Variants in COL6A5 observed in about 807,000 individuals in gnomAD.
COL6A5 encodes collagen alpha-5(VI) chain.
COL6A5 carries 48 observed loss-of-function variants against 65.6 expected under a neutral mutation model. The ratio of observed to expected loss-of-function variants is 0.73; its 90% confidence interval spans 0.58 to 0.93. COL6A5 has a LOEUF of 0.93. Among genes scored for constraint, COL6A5 ranks in the 40% least tolerant of loss-of-function variants. The pLI, the probability that COL6A5 is intolerant of heterozygous loss-of-function variation, is 0.00. For missense variants in COL6A5, 914 were observed against 928.3 expected (o/e 0.98, Z 0.20); for synonymous variants, 291 against 322.8 (o/e 0.90, Z 1.05).
At chr3:130,452,089 G>A (rs1476253670) in intron 4 of COL6A5, among the ~76,000 whole-genome samples, 1 of 152,122 alleles carries the variant, frequency 6.6e-6, no homozygotes, top group African/African-American at 2.4e-5. Context: ...ACACCACCCT[G>A]TTTTAACAGG....
At chr3:130,432,293 G>T (rs922676587) in intron 1 of COL6A5, among the ~76,000 whole-genome samples, 2 of 152,136 alleles carry the variant, frequency 1.3e-5, no homozygotes, top group African/African-American at 4.8e-5. Flanking sequence ...GGTGGCTCAT[G>T]CCTGTAATCC....
chr3:130,431,391 A>T (rs1424611313), upstream of COL6A5: 1 of 1,499,424 alleles, frequency 6.7e-7, no homozygotes, highest in Non-Finnish European at 9.0e-7. Context: ...AACCCACTTC[A>T]TTGGAGTAAA....
intron 1 of COL6A5, among the ~76,000 whole-genome samples, chr3:130,351,661 A>G (rs144270759): frequency 0.045 from 6,789 of 152,296 alleles, 218 homozygotes; most frequent in Middle Eastern, 0.082. Context: ...GAAACAGCAG[A>G]TGCTGGAAAG....
At chr3:130,393,187 A>G (rs142121294) in intron 7 of COL6A5, among the ~76,000 whole-genome samples, 31 of 151,030 alleles carry the variant, frequency 2.1e-4, no homozygotes, top group African/African-American at 7.0e-4. Flanking sequence ...CGCCAACCTC[A>G]TTGATCACCT....
chr3:130,473,350 A>C (rs1710007514), intron 7 of COL6A5, among the ~76,000 whole-genome samples: 1 of 152,062 alleles, frequency 6.6e-6, no homozygotes, highest in African/African-American at 2.4e-5. Flanking sequence ...GTGGCAGTGA[A>C]GTAGATGTCT....
rs148872921 is a variant in COL6A5 at position 130,394,215 on chromosome 3, A to G, written c.2993-675A>G. Among the ~76,000 whole-genome samples, 660 of 152,286 alleles carry G rather than the reference A, an allele frequency of 4.3e-3. 2 individuals are homozygous for G. Among genetic ancestry groups the G allele is most frequent in the Middle Eastern group, 0.014 (4 of 294 alleles). ...CACACTTCTTCTGAGAAGTTCTAAC[A>G]TTTGAGTCATGATATTTTTAAAAAG... On this transcript the variant is annotated intron_variant and NMD_transcript_variant, in intron 7 of 41. Coordinates refer to the COL6A5 transcript ENST00000312481.
At chr3:130,471,279 A>G (rs997788985) in intron 7 of COL6A5, among the ~76,000 whole-genome samples, 1 of 152,108 alleles carries the variant, frequency 6.6e-6, no homozygotes, top group African/African-American at 2.4e-5. Flanking sequence ...CTGCCAAAAC[A>G]GAAAACTTAT....
intron 1 of COL6A5, among the ~76,000 whole-genome samples, chr3:130,367,917 T>C (rs984157917): frequency 1.3e-5 from 2 of 152,210 alleles, no homozygotes; most frequent in Non-Finnish European, 2.9e-5. Context: ...TCATGCGTCA[T>C]GATTGTTCAG....
At chr3:130,412,064 T>C (rs756090581) in intron 20 of COL6A5, among the ~76,000 whole-genome samples, 6 of 152,122 alleles carry the variant, frequency 3.9e-5, no homozygotes, top group Non-Finnish European at 7.4e-5. Flanking sequence ...TTATGTAAAT[T>C]AATTGTTTTA....
intron 12 of COL6A5, among the ~76,000 whole-genome samples, chr3:130,403,309 T>C (rs1414501514): frequency 6.6e-6 from 1 of 152,184 alleles, no homozygotes; most frequent in African/African-American, 2.4e-5. Flanking sequence ...ACAGCTGTCC[T>C]CCCTGCAAAT....
chr3:130,367,076 G>A (rs1239274912), intron 1 of COL6A5, among the ~76,000 whole-genome samples: 1 of 152,198 alleles, frequency 6.6e-6, no homozygotes, highest in African/African-American at 2.4e-5. Context: ...AAGCAGCAGT[G>A]TTGGAAGACT....
intron 17 of COL6A5, 45 bp downstream of exon 17, chr3:130,406,366 A>G (rs2107669693): frequency 2.1e-6 from 3 of 1,447,930 alleles, no homozygotes; most frequent in Non-Finnish European, 2.8e-6. Flanking sequence ...GAATTTGGTG[A>G]CAGAGACAGT....
chr3:130,472,847 A>ATATG (rs1553760936), intron 7 of COL6A5, among the ~76,000 whole-genome samples: 2 of 143,338 alleles, frequency 1.4e-5, no homozygotes, highest in Admixed American at 7.1e-5. Flanking sequence ...ATATATATAT[A>ATATG]TATATATATA....
At position 130,410,452 on chromosome 3, in the gene COL6A5, G is replaced by C; in HGVS notation, c.4609-19G>C. On this transcript the variant is annotated intron_variant and NMD_transcript_variant, in intron 19 of 41. Coordinates refer to the COL6A5 transcript ENST00000312481. ...AGAATTTTTTCCTTTTGATCTTGAG[G>C]AAATTATTATATTTTTAGGGTAGAA... The C allele has an allele frequency of 6.5e-7, 1 of 1,543,862 alleles. No individual in the cohort carries two copies. Among genetic ancestry groups the C allele is most frequent in the Non-Finnish European group, 8.8e-7 (1 of 1,141,140 alleles).
At chr3:130,454,786 T>G (rs1284144084) in intron 4 of COL6A5, among the ~76,000 whole-genome samples, 1 of 152,174 alleles carries the variant, frequency 6.6e-6, no homozygotes, top group Non-Finnish European at 1.5e-5. Context: ...TGGTGATTGG[T>G]ATCAATCTGA....
intron 5 of COL6A5, among the ~76,000 whole-genome samples, chr3:130,386,415 C>T (rs969902457): frequency 6.6e-6 from 1 of 152,068 alleles, no homozygotes; most frequent in Non-Finnish European, 1.5e-5. Context: ...GAAGAGAATT[C>T]TCACTTATTT....
exon 8 of COL6A5, chr3:130,484,560 CCTGT>C: frequency 2.5e-6 from 1 of 398,946 alleles, no homozygotes; most frequent in Non-Finnish European, 4.4e-6. Context: ...CTAAAACCCA[CCTGT>C]CAGGCTGCTA....
intron 18 of COL6A5, among the ~76,000 whole-genome samples, 169 bp downstream of exon 18, chr3:130,409,557 G>T (rs1937108391): frequency 6.6e-6 from 1 of 152,156 alleles, no homozygotes; most frequent in Non-Finnish European, 1.5e-5. Flanking sequence ...TCTTATCTGG[G>T]TTAGGCCCAT....
intron 1 of COL6A5, among the ~76,000 whole-genome samples, chr3:130,434,055 A>T (rs770169569): frequency 1.1e-4 from 17 of 151,534 alleles, no homozygotes; most frequent in Non-Finnish European, 2.4e-4. Flanking sequence ...GGTTTGCTGC[A>T]CATATTGACC....
Sources: gnomAD v4.1 joint callset for allele counts (sites outside exome capture counted in the v4.1 genomes callset) on GRCh38, gnomAD v4.1.1 for gene constraint, MANE v1.5 for transcripts, NCBI Gene and HGNC (gene_info 2026-07-23, HGNC 2026-07-21) for gene names.